DYNLT2: variants seen among roughly 807,000 people sequenced by gnomAD.
The protein encoded by DYNLT2 is dynein light chain Tctex-type protein 2.
A neutral mutation model predicts 24.3 loss-of-function variants in DYNLT2; 24 were observed. The observed-to-expected ratio is 0.99, with a 90% CI of 0.71 to 1.39. DYNLT2 has a LOEUF of 1.39. Ranked by LOEUF, DYNLT2 falls within the 40% of genes most tolerant of loss-of-function variation. The pLI, the probability that DYNLT2 is intolerant of heterozygous loss-of-function variation, is 0.00. For missense variants in DYNLT2, 246 were observed against 234.5 expected (o/e 1.05, Z -0.32); for synonymous variants, 85 against 85.4 (o/e 1.00, Z 0.03).
Position 169,740,122 on chromosome 6 carries a change from T to C in DYNLT2, c.*63A>G. On this transcript the variant is annotated 3_prime_UTR_variant, in exon 4 of 4. Coordinates refer to ENST00000366774, the MANE Select transcript of DYNLT2 (RefSeq NM_174910.3). ...TCAGAAATATTATGAGGTTTACAAA[T>C]ATGTAAATTTCATTTATTTTTGAAA... 1 of 1,068,844 alleles carries C rather than the reference T, an allele frequency of 9.4e-7. No homozygotes were observed. Among genetic ancestry groups the C allele is most frequent in the East Asian group, 2.4e-5 (1 of 41,842 alleles). 66.2% of individuals were successfully genotyped at this position (1,068,844 alleles called of 1,614,324 possible).
In DYNLT2 at chr6:169,744,236, A is replaced by G. The variant is rs755894370; in HGVS notation, c.159T>C (p.Ile53=). The G allele has an allele frequency of 6.2e-7, 1 of 1,613,766 alleles. No homozygotes were observed. Among genetic ancestry groups the G allele is most frequent in the African/African-American group, 1.3e-5 (1 of 75,040 alleles). The change falls in exon 2 of 4, where the codon ATT becomes ATC. Residue 53 remains isoleucine, a synonymous_variant. Transcript: ENST00000366774. ...GAGGCTCCACATACTGAACATTGTG[A>G]ATTGACTCTCTCAGTCTTTCTCTTA... ...QILRERLRES[I]HNVQYVEPPF...
intron 1 of DYNLT2, among the ~76,000 whole-genome samples, chr6:169,746,076 T>C (rs1562997702): frequency 6.6e-6 from 1 of 152,228 alleles, no homozygotes; most frequent in Non-Finnish European, 1.5e-5. Flanking sequence ...CATAATATTC[T>C]TTCATTATAT....
At chr6:169,748,621 T>TA (rs1194749267) in intron 1 of DYNLT2, among the ~76,000 whole-genome samples, 7 of 152,190 alleles carry the variant, frequency 4.6e-5, no homozygotes, top group African/African-American at 1.4e-4. Context: ...CTAAACCTCT[T>TA]AAAAACAAAA....
intron 1 of DYNLT2, chr6:169,750,017 A>G (rs1789924614): frequency 6.6e-6 from 1 of 152,204 alleles, no homozygotes; most frequent in Non-Finnish European, 1.5e-5. Flanking sequence ...CTCACCTCTA[A>G]AAGAATCAAC....
intron 1 of DYNLT2, among the ~76,000 whole-genome samples, chr6:169,748,518 C>T (rs1393398520): frequency 3.3e-5 from 5 of 152,132 alleles, no homozygotes; most frequent in South Asian, 2.1e-4. Context: ...ATATTGGCTG[C>T]GAGTAGAAGT....
chr6:169,730,493 T>C, the DYNLT2 span, among the ~76,000 whole-genome samples: 1 of 152,200 alleles, frequency 6.6e-6, no homozygotes, highest in Admixed American at 6.5e-5. Context: ...TTGAGAGGGC[T>C]GCAGTGGCAC....
chr6:169,751,140 T>G (rs945400437), intron 1 of DYNLT2, 199 bp downstream of exon 1: 3 of 730,460 alleles, frequency 4.1e-6, no homozygotes, highest in Non-Finnish European at 6.6e-6. Flanking sequence ...ACAAGAAAAC[T>G]TTAGCACTCA....
chr6:169,737,698 C>T (rs932067566), downstream of DYNLT2, among the ~76,000 whole-genome samples: 1 of 152,110 alleles, frequency 6.6e-6, no homozygotes, highest in African/African-American at 2.4e-5. Context: ...TTTTCTGGGA[C>T]CTCTGACCTT....
intron 1 of DYNLT2, among the ~76,000 whole-genome samples, chr6:169,745,854 T>C (rs1789785581): frequency 6.6e-6 from 1 of 152,222 alleles, no homozygotes. Flanking sequence ...TTGATATAAC[T>C]TTTTCCTTAA....
intron 1 of DYNLT2, among the ~76,000 whole-genome samples, chr6:169,749,087 C>T (rs999151437): frequency 6.6e-6 from 1 of 152,018 alleles, no homozygotes; most frequent in Non-Finnish European, 1.5e-5. Context: ...ATGCCACATG[C>T]TAGTGTTTAA....
chr6:169,727,978 T>C, the DYNLT2 span, among the ~76,000 whole-genome samples: 1 of 152,040 alleles, frequency 6.6e-6, no homozygotes, highest in Non-Finnish European at 1.5e-5. Context: ...AAGAAGGAGG[T>C]GTGTCAGCAG....
chr6:169,726,312 T>TA, the DYNLT2 span, among the ~76,000 whole-genome samples: 1,630 of 146,158 alleles, frequency 0.011, 25 homozygotes, highest in African/African-American at 0.038. Flanking sequence ...AACTAGCAAC[T>TA]AAAAAAAAAA....
chr6:169,730,092 G>C, the DYNLT2 span, among the ~76,000 whole-genome samples: 2 of 152,192 alleles, frequency 1.3e-5, no homozygotes, highest in Admixed American at 6.5e-5. Flanking sequence ...GAACCACCTT[G>C]TTGGGGAACT....
At chr6:169,735,988 T>C (rs1340687094), downstream of DYNLT2, among the ~76,000 whole-genome samples, 1 of 152,228 alleles carries the variant, frequency 6.6e-6, no homozygotes, top group Non-Finnish European at 1.5e-5. Context: ...TACATATATA[T>C]TCAGAATAGT....
At chr6:169,737,515 TTTG>T (rs536851104), downstream of DYNLT2, among the ~76,000 whole-genome samples, 23 of 152,252 alleles carry the variant, frequency 1.5e-4, no homozygotes, top group Middle Eastern at 6.8e-3. Flanking sequence ...GGGGGCCTTT[TTTG>T]TTGTTGTTGT....
At chr6:169,734,243 A>G in the DYNLT2 span, among the ~76,000 whole-genome samples, 6 of 152,182 alleles carry the variant, frequency 3.9e-5, no homozygotes, top group African/African-American at 1.4e-4. Flanking sequence ...AGACAACTTG[A>G]CTTCCTCTGC....
chr6:169,750,409 GT>G, intron 1 of DYNLT2: 1 of 152,200 alleles, frequency 6.6e-6, no homozygotes, highest in South Asian at 2.1e-4. Context: ...CCTTTATTTA[GT>G]TCGTTCTTTC....
chr6:169,727,363 G>C, the DYNLT2 span, among the ~76,000 whole-genome samples: 1 of 152,152 alleles, frequency 6.6e-6, no homozygotes, highest in South Asian at 2.1e-4. Flanking sequence ...TGAAAAGAAT[G>C]ACTGAGTAGG....
chr6:169,743,783 C>G (rs775861657), intron 2 of DYNLT2, among the ~76,000 whole-genome samples: 140 of 152,182 alleles, frequency 9.2e-4, no homozygotes, highest in Non-Finnish European at 1.4e-3. Flanking sequence ...AGATTTCTAA[C>G]CATGTTTATT....
Sources: allele counts gnomAD v4.1 joint callset (sites outside exome capture counted in the v4.1 genomes callset), GRCh38; gene constraint gnomAD v4.1.1; transcripts MANE v1.5; gene names NCBI Gene and HGNC (gene_info 2026-07-23, HGNC 2026-07-21).